Variants in EVI5 observed in about 807,000 individuals in gnomAD.
EVI5 encodes the protein ecotropic viral integration site 5 protein homolog.
Under a neutral mutation model 112.0 loss-of-function variants are expected in EVI5, and 73 were observed. The observed-to-expected ratio is 0.65, with a 90% confidence interval of 0.54 to 0.79. The LOEUF is 0.79. Ranked by LOEUF, EVI5 falls within the 30% of genes least tolerant of loss-of-function variation. The pLI is 0.00. For synonymous variants in EVI5, 305 were observed against 319.9 expected (o/e 0.95, Z 0.50); for missense variants, 900 against 968.8 (o/e 0.93, Z 0.94).
chr1:92,602,837 C>T (rs1490013665), intron 18 of EVI5, among the ~76,000 whole-genome samples: 1 of 151,664 alleles, frequency 6.6e-6, no homozygotes, highest in Admixed American at 6.6e-5. Context: ...CAAAACAAAA[C>T]AAAACCCAGG....
chr1:92,735,223 A>G (rs1334327954), intron 2 of EVI5, among the ~76,000 whole-genome samples: 2 of 152,212 alleles, frequency 1.3e-5, no homozygotes, highest in African/African-American at 4.8e-5. Flanking sequence ...GAATACTATA[A>G]AAAGGAATCA....
rs1671694144 is a variant in EVI5, at chr1:92,704,595, T to C, written c.299A>G (p.Glu100Gly). 2.5e-6 allele frequency: 4 copies of C among 1,589,940 alleles called. No individual in the cohort carries two copies. In the East Asian group the frequency reaches 9.0e-5, roughly 36 times the overall value. Residue 100 changes from glutamate (E) to glycine (G), a missense_variant, in exon 3 of 20, where the codon GAA becomes GGA. Transcript: ENST00000684568. ...CTTCTTTTTGCGTACATCTTCCCATTCATTAACAATTCTTCCCCAAAGAAT... is the reference window on the plus strand; with the variant it reads ...CTTCTTTTTGCGTACATCTTCCCATCCATTAACAATTCTTCCCCAAAGAAT... The part of the protein sequence containing the change: ...SWILWGRIVN[E>G]WEDVRKKKEK...
intron 9 of EVI5, 60 bp downstream of exon 9, chr1:92,693,742 G>C (rs1027283599): frequency 2.3e-6 from 2 of 865,498 alleles, no homozygotes; most frequent in African/African-American, 1.7e-5. Flanking sequence ...GAGGAAAACT[G>C]TATCACTAGA....
At position 92,608,637 on chromosome 1, in the gene EVI5, G is replaced by A. The variant is rs186228895; in HGVS notation, c.1828-910C>T. Among the ~76,000 whole-genome samples, 946 of 151,960 alleles carry A rather than the reference G, an allele frequency of 6.2e-3. 4 individuals are homozygous for A. Among genetic ancestry groups the A allele is most frequent in the Non-Finnish European group, 0.011 (720 of 67,990 alleles). On this transcript the variant is annotated intron_variant, in intron 16 of 19. Transcript: ENST00000684568. ...AAGAATCACTTGAACCCAGGAGGCA[G>A]AGGTTGCAGTGAGCTGAGATCACAC...
At chr1:92,547,830 G>A (rs1406243981) in intron 19 of EVI5, among the ~76,000 whole-genome samples, 2 of 152,132 alleles carry the variant, frequency 1.3e-5, no homozygotes, top group Non-Finnish European at 2.9e-5. Context: ...ACCAATAACA[G>A]GCTCTGAAAT....
chr1:92,681,175 T>C (rs1223633187), intron 9 of EVI5, among the ~76,000 whole-genome samples: 1 of 152,188 alleles, frequency 6.6e-6, no homozygotes, highest in African/African-American at 2.4e-5. Flanking sequence ...ACCAACCTAA[T>C]ATAATTTCCT....
At chr1:92,633,996 T>C (rs879155637) in intron 14 of EVI5, among the ~76,000 whole-genome samples, 2 of 152,228 alleles carry the variant, frequency 1.3e-5, no homozygotes, top group Non-Finnish European at 2.9e-5. Context: ...TTTAAGAATG[T>C]TGAATATTGG....
At chr1:92,666,293 C>T (rs1417204838) in intron 10 of EVI5, among the ~76,000 whole-genome samples, 2 of 151,820 alleles carry the variant, frequency 1.3e-5, no homozygotes, top group African/African-American at 4.8e-5. Flanking sequence ...AAACTACACA[C>T]ACACACAATT....
intron 2 of EVI5, among the ~76,000 whole-genome samples, chr1:92,711,205 GA>G (rs1347086133): frequency 6.6e-6 from 1 of 152,130 alleles, no homozygotes; most frequent in Non-Finnish European, 1.5e-5. Context: ...GTACTTGGGG[GA>G]AAATCCATGT....
intron 1 of EVI5, among the ~76,000 whole-genome samples, chr1:92,783,483 T>TAAAA (rs774619273): frequency 2.5e-4 from 6 of 24,264 alleles, no homozygotes; most frequent in African/African-American, 4.8e-4. Flanking sequence ...GACTCAGCCT[T>TAAAA]AAAAAAAAAA....
intron 1 of EVI5, among the ~76,000 whole-genome samples, chr1:92,754,822 A>G (rs1352235045): frequency 6.6e-6 from 1 of 152,222 alleles, no homozygotes; most frequent in Non-Finnish European, 1.5e-5. Flanking sequence ...AAGAAAGCGC[A>G]TAACAGCATA....
At chr1:92,600,058 C>A (rs1052719339) in intron 18 of EVI5, among the ~76,000 whole-genome samples, 1 of 151,926 alleles carries the variant, frequency 6.6e-6, no homozygotes, top group Non-Finnish European at 1.5e-5. Context: ...GATGAACTAA[C>A]GGAGTGGTAG....
intron 1 of EVI5, among the ~76,000 whole-genome samples, chr1:92,783,700 T>C (rs1685191866): frequency 6.7e-6 from 1 of 150,338 alleles, no homozygotes; most frequent in Non-Finnish European, 1.5e-5. Flanking sequence ...TAGTCCCAGC[T>C]ACTCGCGGGG....
intron 18 of EVI5, among the ~76,000 whole-genome samples, chr1:92,574,017 A>ATATAT (rs1347408192): frequency 5.9e-5 from 9 of 152,104 alleles, no homozygotes; most frequent in Admixed American, 1.3e-4. Flanking sequence ...TTTCTAACCT[A>ATATAT]TATATTATAT....
chr1:92,518,299 C>A (rs1230108128), intron 19 of EVI5, among the ~76,000 whole-genome samples: 1 of 151,906 alleles, frequency 6.6e-6, no homozygotes, highest in African/African-American at 2.4e-5. Context: ...TTGTGAAATG[C>A]CAGTAAAAAC....
chr1:92,740,365 C>T (rs969765546), intron 1 of EVI5, among the ~76,000 whole-genome samples: 3 of 152,120 alleles, frequency 2.0e-5, no homozygotes, highest in South Asian at 2.1e-4. Context: ...CTTTATTTTC[C>T]GTCTCTTATT....
Position 92,555,848 on chromosome 1 carries a change from C to CA in EVI5, c.2166+7793dup, listed in dbSNP as rs148221183. Among the ~76,000 whole-genome samples, 589 of 94,028 alleles carry CA rather than the reference C, an allele frequency of 6.3e-3. 5 individuals are homozygous for CA. The highest frequency in any genetic ancestry group is 0.019 in the South Asian group (53 of 2,754). The allele number at this position is 94,028 out of a possible 152,430, so 61.7% of individuals were successfully genotyped here. On this transcript the variant is annotated intron_variant, in intron 19 of 19. Coordinates refer to ENST00000684568, the MANE Select transcript of EVI5 (RefSeq NM_001350197.2). ...CTGGGTGACAGAGTGAAACTCGTCTCAAAAAAAAAAAAAAAAAAAGGAATA... is the reference window on the plus strand; with the variant it reads ...CTGGGTGACAGAGTGAAACTCGTCTCAAAAAAAAAAAAAAAAAAAAGGAATA...
At chr1:92,777,624 C>A (rs577354400) in intron 1 of EVI5, among the ~76,000 whole-genome samples, 1 of 152,274 alleles carries the variant, frequency 6.6e-6, no homozygotes, top group East Asian at 1.9e-4. Flanking sequence ...AAAGGTATAA[C>A]CCCATAAGGA....
At chr1:92,695,229 T>C (rs533640260) in intron 7 of EVI5, 81 bp downstream of exon 7, 3 of 1,181,504 alleles carry the variant, frequency 2.5e-6, no homozygotes, top group South Asian at 1.6e-5. Flanking sequence ...CTTTCCTTCA[T>C]TGCTCTCCTC....
Sources: allele counts gnomAD v4.1 joint callset (sites outside exome capture counted in the v4.1 genomes callset), GRCh38; gene constraint gnomAD v4.1.1; transcripts MANE v1.5; gene names NCBI Gene and HGNC (gene_info 2026-07-23, HGNC 2026-07-21).